The following CACNA2D1 variants were observed in gnomAD, a reference collection of about 807,000 sequenced individuals.
CACNA2D1 encodes voltage-dependent calcium channel subunit alpha-2/delta-1.
A neutral mutation model predicts 171.5 loss-of-function variants in CACNA2D1; 53 were observed. That is an observed-to-expected ratio of 0.31 (90% CI 0.25 to 0.39). CACNA2D1 has a LOEUF of 0.39. CACNA2D1 is among the 10% of genes least tolerant of loss of function. The pLI is 1.00. For missense variants in CACNA2D1, 903 were observed against 1,299.8 expected (o/e 0.69, Z 4.69); for synonymous variants, 442 against 443.1 (o/e 1.00, Z 0.03).
At chr7:82,194,740 G>C (rs1481302844) in intron 3 of CACNA2D1, among the ~76,000 whole-genome samples, 1 of 152,008 alleles carries the variant, frequency 6.6e-6, no homozygotes, top group African/African-American at 2.4e-5. Context: ...AGATCAGGGA[G>C]AAGAGATAAC....
In CACNA2D1 at chr7:82,130,791, C is replaced by CTTT. The variant is rs71093363; in HGVS notation, c.396+5841_396+5843dup. ...TTGTTTTTTTTGTTGTTGTTTTTGTCTTTTTTTTTTTTTTTTTTTTTTTGA... is the reference window on the plus strand; with the variant it reads ...TTGTTTTTTTTGTTGTTGTTTTTGTCTTTTTTTTTTTTTTTTTTTTTTTTTTGA... On this transcript the variant is annotated intron_variant, in intron 5 of 38. Transcript: ENST00000356860. 2.1e-3 allele frequency among the ~76,000 whole-genome samples: 218 copies of CTTT among 105,840 alleles called. 1 individual carries two copies. The highest frequency in any genetic ancestry group is 2.7e-3 in the East Asian group (10 of 3,662). The allele number at this position is 105,840 out of a possible 152,430, so 69.4% of individuals were successfully genotyped here.
At chr7:82,111,434 A>ATGTGAG (rs1360734073) in intron 6 of CACNA2D1, among the ~76,000 whole-genome samples, 2 of 97,930 alleles carry the variant, frequency 2.0e-5, no homozygotes, top group African/African-American at 8.3e-5. Context: ...GTGTGTATAT[A>ATGTGAG]TATATATATA....
At chr7:82,033,273 C>T (rs917547040) in intron 11 of CACNA2D1, among the ~76,000 whole-genome samples, 11 of 151,786 alleles carry the variant, frequency 7.2e-5, no homozygotes, top group Non-Finnish European at 1.2e-4. Flanking sequence ...TTGTTGGTAT[C>T]CCCCAACAGA....
intron 24 of CACNA2D1, among the ~76,000 whole-genome samples, chr7:81,981,673 G>A (rs1299781101): frequency 6.6e-6 from 1 of 152,086 alleles, no homozygotes; most frequent in Non-Finnish European, 1.5e-5. Context: ...GTCTGTCATG[G>A]AATAGGAGTC....
intron 3 of CACNA2D1, among the ~76,000 whole-genome samples, chr7:82,210,237 A>C (rs11978472): frequency 0.33 from 50,180 of 151,998 alleles, 9,790 homozygotes; most frequent in East Asian, 0.5. Context: ...AATTATGCTG[A>C]ATTTGTAATA....
chr7:82,354,050 T>C (rs1037415888), intron 1 of CACNA2D1, among the ~76,000 whole-genome samples: 1 of 152,120 alleles, frequency 6.6e-6, no homozygotes, highest in Non-Finnish European at 1.5e-5. Context: ...GACTCTCATG[T>C]GGCGAGTGTC....
intron 3 of CACNA2D1, among the ~76,000 whole-genome samples, chr7:82,279,282 T>C (rs940103418): frequency 6.6e-6 from 1 of 152,210 alleles, no homozygotes; most frequent in Non-Finnish European, 1.5e-5. Flanking sequence ...CTGCAATGCA[T>C]CCATTTCCAT....
At chr7:82,230,522 A>C (rs976153907) in intron 3 of CACNA2D1, among the ~76,000 whole-genome samples, 1 of 152,198 alleles carries the variant, frequency 6.6e-6, no homozygotes, top group African/African-American at 2.4e-5. Flanking sequence ...CACTTTGATA[A>C]ATATAAAAAT....
intron 36 of CACNA2D1, 33 bp from the exon 37 acceptor site, chr7:81,959,862 G>A: frequency 1.2e-6 from 2 of 1,601,046 alleles, no homozygotes; most frequent in South Asian, 1.1e-5. Flanking sequence ...TAGAAAATGA[G>A]TATCTTTTCC....
At chr7:82,194,028 G>A (rs964269993) in intron 3 of CACNA2D1, among the ~76,000 whole-genome samples, 16 of 152,072 alleles carry the variant, frequency 1.1e-4, no homozygotes, top group African/African-American at 2.4e-4. Flanking sequence ...CTACATTGTT[G>A]TTCTGGTAAC....
intron 6 of CACNA2D1, among the ~76,000 whole-genome samples, chr7:82,099,691 C>T (rs1812432330): frequency 1.7e-5 from 1 of 57,964 alleles, no homozygotes; most frequent in Non-Finnish European, 4.3e-5. Context: ...CCTCGTGATC[C>T]GCCCGCCTCG....
chr7:82,397,842 C>CACACACACAGAG (rs1825905929), intron 1 of CACNA2D1, among the ~76,000 whole-genome samples: 1 of 152,136 alleles, frequency 6.6e-6, no homozygotes, highest in Admixed American at 6.6e-5. Context: ...AACATTCACA[C>CACACACACAGAG]TGCTTATTAG....
intron 4 of CACNA2D1, among the ~76,000 whole-genome samples, chr7:82,147,941 C>T (rs546492175): frequency 5.3e-5 from 8 of 152,212 alleles, no homozygotes; most frequent in Non-Finnish European, 1.2e-4. Context: ...ATGAAATAAA[C>T]ATTCACATAT....
intron 3 of CACNA2D1, among the ~76,000 whole-genome samples, chr7:82,172,830 T>C (rs1357530753): frequency 1.4e-5 from 2 of 141,040 alleles, no homozygotes; most frequent in South Asian, 4.4e-4. Context: ...AACTTTTACA[T>C]GTATGGGCAA....
chr7:82,379,697 T>C (rs1823472063), intron 1 of CACNA2D1, among the ~76,000 whole-genome samples: 1 of 152,174 alleles, frequency 6.6e-6, no homozygotes, highest in African/African-American at 2.4e-5. Context: ...TCTGTTGATA[T>C]GTTTTGTTTT....
rs1828434041 is a variant in CACNA2D1 at position 82,418,839 on chromosome 7, C to G, written c.95+24526G>C. ...GCCACATATAAGACTAAACATTAGGCTGGGCACGGTGGCTCACGCCTGTAA... is the reference window on the plus strand; with the variant it reads ...GCCACATATAAGACTAAACATTAGGGTGGGCACGGTGGCTCACGCCTGTAA... On this transcript the variant is annotated intron_variant, in intron 1 of 38. Coordinates refer to ENST00000356860, the MANE Select transcript of CACNA2D1 (RefSeq NM_000722.4). 5.9e-5 allele frequency among the ~76,000 whole-genome samples: 9 copies of G among 152,298 alleles called. No individual in the cohort carries two copies. The South Asian group carries it at 1.9e-3, about 32-fold the overall frequency.
intron 6 of CACNA2D1, among the ~76,000 whole-genome samples, chr7:82,115,442 A>G (rs1788930545): frequency 6.6e-6 from 1 of 152,098 alleles, no homozygotes; most frequent in South Asian, 2.1e-4. Context: ...GTGATTTTAA[A>G]AAGGGCTTGG....
chr7:81,991,739 C>T (rs1436815621), intron 20 of CACNA2D1, among the ~76,000 whole-genome samples: 1 of 152,088 alleles, frequency 6.6e-6, no homozygotes, highest in Non-Finnish European at 1.5e-5. Context: ...ATCTAATAAA[C>T]CCACCAGGGA....
chr7:82,080,909 T>G (rs1327222036), intron 7 of CACNA2D1, among the ~76,000 whole-genome samples: 1 of 152,260 alleles, frequency 6.6e-6, no homozygotes, highest in African/African-American at 2.4e-5. Flanking sequence ...ACATGCACTA[T>G]TGTAGAAATG....
Sources: gnomAD v4.1 joint callset for allele counts (sites outside exome capture counted in the v4.1 genomes callset) on GRCh38, gnomAD v4.1.1 for gene constraint, MANE v1.5 for transcripts, NCBI Gene and HGNC (gene_info 2026-07-23, HGNC 2026-07-21) for gene names.